FBXO40: variants seen among roughly 807,000 people sequenced by gnomAD.
FBXO40 encodes F-box only protein 40.
In FBXO40, 50 loss-of-function variants were observed where a neutral mutation model predicts 49.9. The ratio of observed to expected loss-of-function variants is 1.00; its 90% CI spans 0.80 to 1.27. The LOEUF is 1.27. Among genes scored for constraint, FBXO40 ranks in the 50% most tolerant of loss-of-function variants. The pLI, the probability that FBXO40 is intolerant of heterozygous loss-of-function variation, is 0.00. For synonymous variants in FBXO40, 340 were observed against 320.2 expected (o/e 1.06, Z -0.66); for missense variants, 895 against 870.1 (o/e 1.03, Z -0.36).
chr3:121,615,343 G>C (rs887805648), intron 1 of FBXO40, among the ~76,000 whole-genome samples: 1 of 151,996 alleles, frequency 6.6e-6, no homozygotes, highest in East Asian at 1.9e-4. Flanking sequence ...GATTCCTTGA[G>C]GTCAGGAGTT....
rs145400219 is a variant in FBXO40 at position 121,622,163 on chromosome 3, A to G, written c.734A>G (p.Asp245Gly). Reference sequence around the variant, plus strand: ...AGCTGTGAGAGCAAGAACAAGAATGACTCCGAGAAAGAACAGATTTCCAGT... The same window carrying G: ...AGCTGTGAGAGCAAGAACAAGAATGGCTCCGAGAAAGAACAGATTTCCAGT... ...SASCESKNKN[D>G]SEKEQISSGH... Residue 245 changes from aspartate (D) to glycine (G), a missense_variant, in exon 3 of 4, where the codon GAC (aspartate) becomes GGC (glycine). Physicochemically the swap from Asp to Gly is moderately conservative, Grantham distance 94. Coordinates refer to ENST00000338040, the MANE Select transcript of FBXO40 (RefSeq NM_016298.4). 1.2e-5 allele frequency: 20 copies of G among 1,614,050 alleles called. No homozygotes were observed. The highest frequency in any genetic ancestry group is 1.5e-5 in the Non-Finnish European group (18 of 1,179,996).
chr3:121,607,638 G>A (rs1021592427), intron 1 of FBXO40, among the ~76,000 whole-genome samples: 1 of 151,848 alleles, frequency 6.6e-6, no homozygotes, highest in African/African-American at 2.4e-5. Context: ...TGGATCAAGT[G>A]GGGGAAAGCC....
In FBXO40 at chr3:121,629,132, A is replaced by C. The variant is rs1199237082; in HGVS notation, c.*2222A>C. On this transcript the variant is annotated 3_prime_UTR_variant, in exon 4 of 4. Coordinates refer to ENST00000338040, the MANE Select transcript of FBXO40 (RefSeq NM_016298.4). ...GTAGATGAAGTAGGTGAAACCTCTGAAAAGAGTCTAGAAGGCAGTAGAGCA... is the reference window on the plus strand; with the variant it reads ...GTAGATGAAGTAGGTGAAACCTCTGCAAAGAGTCTAGAAGGCAGTAGAGCA... 6.6e-6 allele frequency: 1 copy of C among 151,854 alleles called. No homozygotes were observed. The highest frequency in any genetic ancestry group is 1.5e-5 in the Non-Finnish European group (1 of 67,906). 9.4% of individuals were successfully genotyped at this position (151,854 alleles called of 1,614,324 possible). A position where few individuals can be genotyped will look rare whatever the true frequency, so the allele number is the denominator to read the frequency against.
Position 121,619,300 on chromosome 3 carries a change from C to T in FBXO40, c.-30-1246C>T, listed in dbSNP as rs566480893. ...CTGAGATTACAGGTGTGAGCCATTGCGCCTGGCCAAATTTTAAACTTATGG... is the reference window on the plus strand; with the variant it reads ...CTGAGATTACAGGTGTGAGCCATTGTGCCTGGCCAAATTTTAAACTTATGG... On this transcript the variant is annotated intron_variant, in intron 1 of 3. Transcript: ENST00000338040. 2.6e-5 allele frequency among the ~76,000 whole-genome samples: 4 copies of T among 152,098 alleles called. No homozygotes were observed. The East Asian group carries it at 5.8e-4, about 22-fold the overall frequency.
intron 1 of FBXO40, among the ~76,000 whole-genome samples, chr3:121,601,410 A>G (rs972498865): frequency 5.7e-5 from 4 of 69,650 alleles, no homozygotes; most frequent in African/African-American, 2.3e-4. Context: ...TAGCAACATG[A>G]AAAAAAAAAA....
chr3:121,615,496 A>G (rs1405795703), intron 1 of FBXO40, among the ~76,000 whole-genome samples: 1 of 150,510 alleles, frequency 6.6e-6, no homozygotes, highest in Non-Finnish European at 1.5e-5. Flanking sequence ...TGGAGGTTGC[A>G]GTGAGCCAAG....
chr3:121,607,815 G>A (rs1158229618), intron 1 of FBXO40, among the ~76,000 whole-genome samples: 1 of 152,134 alleles, frequency 6.6e-6, no homozygotes, highest in Non-Finnish European at 1.5e-5. Flanking sequence ...GGGTTATTTT[G>A]GGCATAGAGC....
At position 121,599,224 on chromosome 3, in the gene FBXO40, T is replaced by A. The variant is rs1029166716; in HGVS notation, c.-31+5722T>A. Among the ~76,000 whole-genome samples the A allele has an allele frequency of 5.9e-5, 9 of 152,170 alleles. 1 individual carries two copies. Among genetic ancestry groups the A allele is most frequent in the Middle Eastern group, 6.8e-3 (2 of 294 alleles). On this transcript the variant is annotated intron_variant, in intron 1 of 3. Coordinates refer to ENST00000338040, the MANE Select transcript of FBXO40 (RefSeq NM_016298.4). ...GGCTCACACCTGTAATCCTAGCACG[T>A]TGGGAGGCCGAGGTGGGCGGATCAC...
intron 1 of FBXO40, among the ~76,000 whole-genome samples, chr3:121,596,098 C>A (rs1387113592): frequency 6.6e-6 from 1 of 152,168 alleles, no homozygotes. Flanking sequence ...TTGCTTGAGT[C>A]AGTGATTTAA....
Position 121,622,807 on chromosome 3 carries a change from C to T in FBXO40, c.1378C>T (p.His460Tyr). 6.2e-7 allele frequency: 1 copy of T among 1,614,186 alleles called. No homozygotes were observed. The highest frequency in any genetic ancestry group is 8.5e-7 in the Non-Finnish European group (1 of 1,180,036). Residue 460 changes from histidine to tyrosine, a missense_variant, in exon 3 of 4, where the codon CAC becomes TAC. His to Tyr is a moderately conservative substitution (Grantham distance 83). Transcript: ENST00000338040. Reference sequence around the variant, plus strand: ...CCCAGGGGGACTCCACGTGGAGCTCCACAGCGAGTGTGTGACCAGGAGACA... The same window carrying T: ...CCCAGGGGGACTCCACGTGGAGCTCTACAGCGAGTGTGTGACCAGGAGACA... ...ATPGGLHVELHSECVTRRHNK... is the reference protein window; with the variant it reads ...ATPGGLHVELYSECVTRRHNK...
chr3:121,605,977 AG>A (rs1010825600), intron 1 of FBXO40, among the ~76,000 whole-genome samples: 20 of 152,216 alleles, frequency 1.3e-4, no homozygotes, highest in African/African-American at 4.8e-4. Context: ...CTCCAGCAAT[AG>A]TGAAAGGAAG....
intron 1 of FBXO40, among the ~76,000 whole-genome samples, chr3:121,619,326 ATCT>A (rs1252040015): frequency 1.3e-5 from 2 of 151,920 alleles, no homozygotes; most frequent in Admixed American, 1.3e-4. Context: ...AAACTTATGG[ATCT>A]TCTGACATTT....
chr3:121,621,415 TG>T lies in FBXO40; in HGVS notation c.4-17del, dbSNP rs1447530324. 6.3e-6 allele frequency: 10 copies of T among 1,592,260 alleles called. No homozygotes were observed. The highest frequency in any genetic ancestry group is 1.7e-4 in the Middle Eastern group (1 of 5,940). ...CAGTATTCATTTGTTTTCTTCCCCCTGTCCTTGGTGTGTCCAGGGGAAAGCC... is the reference window on the plus strand; with the variant it reads ...CAGTATTCATTTGTTTTCTTCCCCCTTCCTTGGTGTGTCCAGGGGAAAGCC... On this transcript the variant is annotated splice_polypyrimidine_tract_variant and intron_variant, in intron 2 of 3. Transcript: ENST00000338040.
In FBXO40 at chr3:121,622,155, C is replaced by G; in HGVS notation, c.726C>G (p.Asn242Lys). The change falls in exon 3 of 4, where the codon AAC becomes AAG. Residue 242 changes from asparagine (N) to lysine (K), a missense_variant. Transcript: ENST00000338040. ...CATCAGCGAGCTGTGAGAGCAAGAA[C>G]AAGAATGACTCCGAGAAAGAACAGA... ...TNSSASCESKNKNDSEKEQIS... is the reference protein window; with the variant it reads ...TNSSASCESKKKNDSEKEQIS... 1 of 1,614,146 alleles carries G rather than the reference C, an allele frequency of 6.2e-7. No homozygotes were observed. The highest frequency in any genetic ancestry group is 1.1e-5 in the South Asian group (1 of 91,060).
intron 1 of FBXO40, among the ~76,000 whole-genome samples, chr3:121,612,499 C>A (rs1034839899): frequency 6.6e-6 from 1 of 152,198 alleles, no homozygotes; most frequent in Non-Finnish European, 1.5e-5. Flanking sequence ...CTGGAACCAG[C>A]TGGGGGAAGC....
intron 1 of FBXO40, among the ~76,000 whole-genome samples, chr3:121,618,877 T>C (rs1379461475): frequency 1.3e-5 from 2 of 152,006 alleles, no homozygotes; most frequent in Non-Finnish European, 2.9e-5. Context: ...TTGGTGTTCA[T>C]TGTATGTATT....
chr3:121,611,665 A>G lies in FBXO40; in HGVS notation c.-30-8881A>G, dbSNP rs149177884. ...AGGGGCTTTCCTCTTTTACTAATCC[A>G]CCTCAGCACAGACCCTTTACGGGTG... On this transcript the variant is annotated intron_variant, in intron 1 of 3. Coordinates refer to ENST00000338040, the MANE Select transcript of FBXO40 (RefSeq NM_016298.4). 9.3e-3 allele frequency among the ~76,000 whole-genome samples: 1,419 copies of G among 152,072 alleles called. 17 individuals carry two copies. Among genetic ancestry groups the G allele is most frequent in the South Asian group, 0.014 (66 of 4,798 alleles).
Position 121,621,672 on chromosome 3 carries a change from G to A in FBXO40, c.243G>A (p.Leu81=). 1.2e-6 allele frequency: 2 copies of A among 1,614,188 alleles called. No homozygotes were observed. The highest frequency in any genetic ancestry group is 1.7e-5 in the Admixed American group (1 of 60,026). The change falls in exon 3 of 4, where the codon CTG becomes CTA. Residue 81 remains leucine, a synonymous_variant. Transcript: ENST00000338040. The stretch of plus-strand genomic sequence containing the variant: ...CTCTGTCCATGTCCCGCCACAAACT[G>A]GCCAAGCACCTGCAGGTGTGCCCCG... The part of the protein sequence containing the change: ...GCPLSMSRHK[L]AKHLQVCPAS...
At chr3:121,610,921 A>G (rs986543688) in intron 1 of FBXO40, among the ~76,000 whole-genome samples, 9 of 151,832 alleles carry the variant, frequency 5.9e-5, no homozygotes, top group African/African-American at 2.4e-5. Context: ...CCTCTTAATA[A>G]CTCCAATTTA....
Sources: gnomAD v4.1 joint callset for allele counts (sites outside exome capture counted in the v4.1 genomes callset) on GRCh38, gnomAD v4.1.1 for gene constraint, MANE v1.5 for transcripts, NCBI Gene and HGNC (gene_info 2026-07-23, HGNC 2026-07-21) for gene names.